Variants in MAP4 observed in about 807,000 individuals in gnomAD.
The protein encoded by MAP4 is microtubule associated protein 4, also known as microtubule-associated protein 4.
In MAP4, 76 loss-of-function variants were observed where a neutral mutation model predicts 170.2. The observed-to-expected ratio is 0.45, with a 90% CI of 0.37 to 0.54. The LOEUF is 0.54. Among genes scored for constraint, MAP4 ranks in the 20% least tolerant of loss-of-function variants. The probability of loss-of-function intolerance (pLI) is 0.00; values close to 1 mark genes in which losing one functional copy is unlikely to be tolerated. For synonymous variants in MAP4, 909 were observed against 994.5 expected (o/e 0.91, Z 1.62); for missense variants, 2,506 against 2,748.0 (o/e 0.91, Z 1.97).
At chr3:47,862,823 CA>C (rs1436598906) in intron 17 of MAP4, among the ~76,000 whole-genome samples, 1 of 152,046 alleles carries the variant, frequency 6.6e-6, no homozygotes, top group Non-Finnish European at 1.5e-5. Context: ...GGACTGGCTT[CA>C]AAATACTTGG....
intron 1 of MAP4, among the ~76,000 whole-genome samples, chr3:48,030,969 T>C (rs929798090): frequency 6.6e-6 from 1 of 151,930 alleles, no homozygotes; most frequent in African/African-American, 2.4e-5. Context: ...ATACTCCACT[T>C]CCAAGAGGTA....
intron 2 of MAP4, among the ~76,000 whole-genome samples, chr3:47,983,408 A>G (rs2100086564): frequency 6.6e-6 from 1 of 151,776 alleles, no homozygotes; most frequent in African/African-American, 2.4e-5. Flanking sequence ...TTAATTTGAG[A>G]CTGAGTCTCC....
chr3:48,010,151 C>G (rs543580123), intron 1 of MAP4, among the ~76,000 whole-genome samples: 1 of 152,138 alleles, frequency 6.6e-6, no homozygotes, highest in African/African-American at 2.4e-5. Flanking sequence ...ACAAATGATC[C>G]GGACCATTCA....
At chr3:47,977,659 A>G (rs1559675863) in intron 3 of MAP4, among the ~76,000 whole-genome samples, 1 of 152,228 alleles carries the variant, frequency 6.6e-6, no homozygotes, top group African/African-American at 2.4e-5. Flanking sequence ...ATATTCAAAA[A>G]ATATCAAAGC....
In MAP4 at chr3:48,069,333, G is replaced by A. The variant is rs928698164; in HGVS notation, c.-20+19440C>T. Among the ~76,000 whole-genome samples, 6 of 152,060 alleles carry A rather than the reference G, an allele frequency of 3.9e-5. No individual in the cohort carries two copies. The South Asian group carries it at 8.3e-4, about 21-fold the overall frequency. On this transcript the variant is annotated intron_variant, in intron 1 of 18. Transcript: ENST00000360240. Reference sequence around the variant, plus strand: ...TCTGAAGGTCACCCATCCCAGTCACGAAGCCCTTAATTCTCACAACCTTGA... The same window carrying A: ...TCTGAAGGTCACCCATCCCAGTCACAAAGCCCTTAATTCTCACAACCTTGA...
intron 17 of MAP4, among the ~76,000 whole-genome samples, chr3:47,858,077 G>A (rs1038638107): frequency 1.4e-5 from 2 of 143,646 alleles, no homozygotes; most frequent in Admixed American, 7.3e-5. Context: ...AGGCTGGCAC[G>A]ATCTTGGCTC....
intron 4 of MAP4, among the ~76,000 whole-genome samples, chr3:47,926,849 T>C (rs1411570818): frequency 6.6e-6 from 1 of 152,054 alleles, no homozygotes; most frequent in Non-Finnish European, 1.5e-5. Context: ...CTATATACTT[T>C]AAATGGGTAA....
At chr3:47,871,667 G>A (rs989495100) in intron 13 of MAP4, among the ~76,000 whole-genome samples, 14 of 152,200 alleles carry the variant, frequency 9.2e-5, no homozygotes, top group African/African-American at 3.1e-4. Context: ...GGAAATTCAT[G>A]AGCAGTACAT....
intron 3 of MAP4, among the ~76,000 whole-genome samples, chr3:47,934,893 G>A (rs1414752151): frequency 2.0e-5 from 3 of 152,216 alleles, no homozygotes; most frequent in Non-Finnish European, 2.9e-5. Flanking sequence ...ATGGTGAAAT[G>A]TCCTGCTCTC....
intron 1 of MAP4, among the ~76,000 whole-genome samples, chr3:48,027,703 G>A (rs1430712926): frequency 6.6e-6 from 1 of 151,946 alleles, no homozygotes; most frequent in African/African-American, 2.4e-5. Context: ...AAAATTAGCC[G>A]AGCATGCACC....
At position 48,081,304 on chromosome 3, in the gene MAP4, T is replaced by A. The variant is rs567253684; in HGVS notation, c.-20+7469A>T. Among the ~76,000 whole-genome samples, 16 of 151,168 alleles carry A rather than the reference T, an allele frequency of 1.1e-4. No homozygotes were observed. The East Asian group carries it at 1.9e-3, about 18-fold the overall frequency. ...CTCCATCTCAAAAAAAATAAATAAA[T>A]AAAATAAATAAATAAATAAATAAAT... On this transcript the variant is annotated intron_variant, in intron 1 of 18. Coordinates refer to the MAP4 transcript ENST00000360240.
At chr3:47,940,733 G>A (rs1243717291) in intron 3 of MAP4, among the ~76,000 whole-genome samples, 2 of 152,096 alleles carry the variant, frequency 1.3e-5, no homozygotes, top group African/African-American at 4.8e-5. Flanking sequence ...TTAAATAACA[G>A]TACAAAAAGT....
At chr3:48,063,636 T>C (rs1246395667) in intron 1 of MAP4, among the ~76,000 whole-genome samples, 1 of 151,964 alleles carries the variant, frequency 6.6e-6, no homozygotes, top group African/African-American at 2.4e-5. Flanking sequence ...AATTGTAGTG[T>C]ACCCAGACAA....
Position 47,858,899 on chromosome 3 carries a change from C to A in MAP4, c.6502-1387G>T, listed in dbSNP as rs180901900. Among the ~76,000 whole-genome samples, 12 of 152,122 alleles carry A rather than the reference C, an allele frequency of 7.9e-5. No homozygotes were observed. In the South Asian group the frequency reaches 1.0e-3, roughly 13 times the overall value. On this transcript the variant is annotated intron_variant, in intron 17 of 20. Transcript: ENST00000683076. ...ATCCCAGCACTTTGGGAGGCTAAGG[C>A]GGGCGGATCACGAGGTCAGGAGATC...
chr3:48,007,889 T>C (rs914044248), intron 1 of MAP4, among the ~76,000 whole-genome samples: 2 of 152,132 alleles, frequency 1.3e-5, no homozygotes, highest in Admixed American at 1.3e-4. Flanking sequence ...GCCAGGATGG[T>C]CTCGATCTCT....
rs935447870 is a variant in MAP4, at chr3:47,852,701, G to C, written c.*233C>G. 4.3e-5 allele frequency: 63 copies of C among 1,472,906 alleles called. No homozygotes were observed. Among genetic ancestry groups the C allele is most frequent in the Non-Finnish European group, 5.5e-5 (61 of 1,106,626 alleles). The allele number at this position is 1,472,906 out of a possible 1,614,324, so 91.2% of individuals were successfully genotyped here. ...CAGGCTGGGGAGTGAGAGGAGGTGT[G>C]GGGCAGGGCTGCTGCTGCCCCGGGC... On this transcript the variant is annotated 3_prime_UTR_variant, in exon 21 of 21. Coordinates refer to ENST00000683076, the MANE Select transcript of MAP4 (RefSeq NM_001385682.1).
At chr3:47,919,732 T>C (rs2100041757) in intron 5 of MAP4, among the ~76,000 whole-genome samples, 1 of 152,178 alleles carries the variant, frequency 6.6e-6, no homozygotes, top group Non-Finnish European at 1.5e-5. Context: ...ACTTTCTATA[T>C]AATATATAAA....
chr3:47,913,897 G>A (rs1170356668), intron 8 of MAP4, among the ~76,000 whole-genome samples: 2 of 152,072 alleles, frequency 1.3e-5, no homozygotes, highest in African/African-American at 4.8e-5. Flanking sequence ...ATTAAAAACA[G>A]GTAATCTTCA....
At chr3:48,055,379 T>C (rs1371057531) in intron 1 of MAP4, among the ~76,000 whole-genome samples, 1 of 152,066 alleles carries the variant, frequency 6.6e-6, no homozygotes, top group Non-Finnish European at 1.5e-5. Context: ...CACGCCTGAT[T>C]GGTTTTGGTG....
Sources: allele counts gnomAD v4.1 joint callset (sites outside exome capture counted in the v4.1 genomes callset), GRCh38; gene constraint gnomAD v4.1.1; transcripts MANE v1.5; gene names NCBI Gene and HGNC (gene_info 2026-07-23, HGNC 2026-07-21).